The following DOCK4 variants were observed in gnomAD, a reference collection of about 807,000 sequenced individuals.
DOCK4 encodes dedicator of cytokinesis 4.
A neutral mutation model predicts 268.1 loss-of-function variants in DOCK4; 97 were observed. The observed-to-expected ratio is 0.36, with a 90% CI of 0.31 to 0.43. The LOEUF is 0.43. Ranked by LOEUF, DOCK4 falls within the 20% of genes least tolerant of loss-of-function variation. The pLI is 1.00. For missense variants in DOCK4, 2,145 were observed against 2,455.7 expected (o/e 0.87, Z 2.67); for synonymous variants, 954 against 887.2 (o/e 1.08, Z -1.34).
intron 1 of DOCK4, among the ~76,000 whole-genome samples, chr7:112,192,017 T>TA (rs1180637581): frequency 4.7e-5 from 7 of 148,406 alleles, no homozygotes; most frequent in African/African-American, 1.7e-4. Flanking sequence ...AGTATATAAC[T>TA]TAAACATAGT....
At chr7:112,150,933 C>A (rs913893069) in intron 1 of DOCK4, among the ~76,000 whole-genome samples, 2 of 152,178 alleles carry the variant, frequency 1.3e-5, no homozygotes, top group Non-Finnish European at 2.9e-5. Context: ...AAAAGGCTTG[C>A]AGAGGTTTGT....
intron 46 of DOCK4, 98 bp from the exon 47 acceptor site, chr7:111,741,312 C>G: frequency 6.6e-7 from 1 of 1,513,034 alleles, no homozygotes; most frequent in South Asian, 1.3e-5. Flanking sequence ...AAAATACATT[C>G]CGTTTTGTTT....
intron 2 of DOCK4, among the ~76,000 whole-genome samples, chr7:112,002,169 C>T (rs1241890160): frequency 6.6e-6 from 1 of 152,074 alleles, no homozygotes; most frequent in African/African-American, 2.4e-5. Flanking sequence ...AATATCGTCC[C>T]TAACAGTTTT....
intron 8 of DOCK4, among the ~76,000 whole-genome samples, chr7:111,973,304 T>G (rs2135088208): frequency 6.6e-6 from 1 of 151,908 alleles, no homozygotes; most frequent in African/African-American, 2.4e-5. Context: ...GTATACTGAC[T>G]TCTTTTCCTC....
At chr7:111,957,706 T>C (rs1796553576) in intron 8 of DOCK4, among the ~76,000 whole-genome samples, 1 of 152,154 alleles carries the variant, frequency 6.6e-6, no homozygotes, top group Non-Finnish European at 1.5e-5. Flanking sequence ...GTTCCCAGTG[T>C]CCAAATGAGT....
At chr7:112,197,295 CA>C (rs397978122) in intron 1 of DOCK4, among the ~76,000 whole-genome samples, 6,452 of 131,038 alleles carry the variant, frequency 0.049, 348 homozygotes, top group African/African-American at 0.15. Flanking sequence ...ATATATTTAC[CA>C]AAAAAAAAAA....
chr7:111,791,702 C>A lies in DOCK4; in HGVS notation c.3167-1097G>T, dbSNP rs553160300. Among the ~76,000 whole-genome samples the A allele has an allele frequency of 3.2e-4, 48 of 152,262 alleles. 1 individual carries two copies. The South Asian group carries it at 8.5e-3, about 27-fold the overall frequency. On this transcript the variant is annotated intron_variant, in intron 30 of 52. Transcript: ENST00000428084. ...ACCTCATGTGATCCGCCCAGCTTGG[C>A]CTCCCAAAGTGCTAGGATTACAGGC... is the stretch of plus-strand genomic sequence containing the variant.
intron 15 of DOCK4, among the ~76,000 whole-genome samples, chr7:111,898,563 G>A (rs992154426): frequency 2.6e-5 from 4 of 152,204 alleles, no homozygotes; most frequent in African/African-American, 9.7e-5. Flanking sequence ...GCTCACTGAT[G>A]TGTCTCCAGT....
chr7:111,860,974 G>C (rs1805460673), intron 23 of DOCK4, among the ~76,000 whole-genome samples: 1 of 152,176 alleles, frequency 6.6e-6, no homozygotes, highest in Admixed American at 6.5e-5. Context: ...TGCTCTTTTA[G>C]TGCAAGACTT....
At chr7:112,198,496 T>C (rs1466516706) in intron 1 of DOCK4, among the ~76,000 whole-genome samples, 1 of 152,208 alleles carries the variant, frequency 6.6e-6, no homozygotes, top group African/African-American at 2.4e-5. Flanking sequence ...TTGCTTTCAT[T>C]TCCTAAATAT....
At chr7:111,886,839 T>C (rs1807887760) in intron 16 of DOCK4, among the ~76,000 whole-genome samples, 1 of 152,210 alleles carries the variant, frequency 6.6e-6, no homozygotes, top group Admixed American at 6.5e-5. Context: ...CTATAGCTTA[T>C]ATAAGAGGTT....
chr7:111,907,123 G>C (rs567796914), intron 13 of DOCK4, among the ~76,000 whole-genome samples: 3 of 150,096 alleles, frequency 2.0e-5, no homozygotes, highest in Admixed American at 2.0e-4. Context: ...GTACGGATAG[G>C]CTGAAAAGTT....
At chr7:112,081,082 A>G (rs1437539200) in intron 1 of DOCK4, among the ~76,000 whole-genome samples, 1 of 152,128 alleles carries the variant, frequency 6.6e-6, no homozygotes, top group African/African-American at 2.4e-5. Flanking sequence ...CTGAGAAGAC[A>G]AGAAGGATGA....
intron 3 of DOCK4, among the ~76,000 whole-genome samples, chr7:111,999,791 T>C (rs1199336860): frequency 6.7e-6 from 1 of 148,170 alleles, no homozygotes; most frequent in Admixed American, 6.7e-5. Context: ...AAAAAAAAAA[T>C]GACATATATG....
At chr7:112,086,046 C>T (rs1310480947) in intron 1 of DOCK4, among the ~76,000 whole-genome samples, 2 of 151,882 alleles carry the variant, frequency 1.3e-5, no homozygotes, top group Non-Finnish European at 2.9e-5. Context: ...AAAAAATCCT[C>T]GGAAATGTAT....
intron 26 of DOCK4, among the ~76,000 whole-genome samples, chr7:111,830,702 C>T (rs1802753464): frequency 6.6e-6 from 1 of 152,088 alleles, no homozygotes; most frequent in Admixed American, 6.5e-5. Context: ...CTTAAGTCTC[C>T]TCCATCATAA....
chr7:111,747,251 A>G lies in DOCK4; in HGVS notation c.4593+16T>C, dbSNP rs765366159. 4 of 1,598,732 alleles carry G rather than the reference A, an allele frequency of 2.5e-6. No individual in the cohort carries two copies. The Admixed American group carries it at 7.0e-5, about 28-fold the overall frequency. Reference sequence around the variant, plus strand: ...AATTGAAAACTTTCTCTGAAACAACAATACCTAATCCTTACCTCTTGATAC... The same window carrying G: ...AATTGAAAACTTTCTCTGAAACAACGATACCTAATCCTTACCTCTTGATAC... On this transcript the variant is annotated intron_variant, in intron 43 of 52. Coordinates refer to ENST00000428084, the MANE Select transcript of DOCK4 (RefSeq NM_001363540.2).
At chr7:112,173,237 G>A (rs1360934607) in intron 1 of DOCK4, among the ~76,000 whole-genome samples, 1 of 152,134 alleles carries the variant, frequency 6.6e-6, no homozygotes, top group African/African-American at 2.4e-5. Flanking sequence ...TTTCCCTCGT[G>A]CATTGTGTGA....
At chr7:112,151,995 G>A (rs1816141399) in intron 1 of DOCK4, among the ~76,000 whole-genome samples, 1 of 148,716 alleles carries the variant, frequency 6.7e-6, no homozygotes, top group African/African-American at 2.5e-5. Flanking sequence ...CTAGCTAATT[G>A]AAGCTAATAT....
Sources: gnomAD v4.1 joint callset for allele counts (sites outside exome capture counted in the v4.1 genomes callset) on GRCh38, gnomAD v4.1.1 for gene constraint, MANE v1.5 for transcripts, NCBI Gene and HGNC (gene_info 2026-07-23, HGNC 2026-07-21) for gene names.